The following EXT2 variants were observed in gnomAD, a reference collection of about 807,000 sequenced individuals.
EXT2 encodes exostosin glycosyltransferase 2.
EXT2 carries 53 observed loss-of-function variants against 81.6 expected under a neutral mutation model. That is an observed-to-expected ratio of 0.65 (90% confidence interval 0.52 to 0.82). The LOEUF (loss-of-function observed/expected upper bound fraction) is 0.82, where lower values mean the gene tolerates loss of function less well. Ranked by LOEUF, EXT2 falls within the 40% of genes least tolerant of loss-of-function variation. EXT2 has a pLI of 0.00. For synonymous variants in EXT2, 320 were observed against 340.0 expected, an observed-to-expected ratio of 0.94 and a Z score of 0.65; for missense variants, 774 against 910.2, an observed-to-expected ratio of 0.85 and a Z score of 1.93.
chr11:44,226,115 G>A (rs1203048935), intron 10 of EXT2, among the ~76,000 whole-genome samples: 1 of 152,032 alleles, frequency 6.6e-6, no homozygotes, highest in Non-Finnish European at 1.5e-5. Context: ...CATCTTCATG[G>A]CACCTGGCCT....
rs970194771 is a variant in EXT2 at position 44,103,825 on chromosome 11, T to G, written c.-30-3858T>G. 19 of 254,628 alleles carry G rather than the reference T, an allele frequency of 7.5e-5. No homozygotes were observed. The Admixed American group carries it at 8.4e-4, about 11-fold the overall frequency. The allele number at this position is 254,628 out of a possible 1,614,324, so 15.8% of individuals were successfully genotyped here. On this transcript the variant is annotated intron_variant, in intron 1 of 13. Coordinates refer to ENST00000533608, the MANE Select transcript of EXT2 (RefSeq NM_207122.2). ...GCATAAATTCATTGATACCATCTTATCTTTTAAATATATGCAGCATTTAGA... is the reference window on the plus strand; with the variant it reads ...GCATAAATTCATTGATACCATCTTAGCTTTTAAATATATGCAGCATTTAGA...
At chr11:44,191,890 G>A (rs934946105) in intron 8 of EXT2, among the ~76,000 whole-genome samples, 2 of 152,160 alleles carry the variant, frequency 1.3e-5, no homozygotes, top group African/African-American at 4.8e-5. Flanking sequence ...AATTGACACA[G>A]AAGCTTAGTT....
chr11:44,230,385 C>T (rs890118069), intron 10 of EXT2, among the ~76,000 whole-genome samples: 1 of 152,026 alleles, frequency 6.6e-6, no homozygotes, highest in Non-Finnish European at 1.5e-5. Context: ...GTTTTGAGGG[C>T]GGGACCTTTC....
At chr11:44,238,658 T>A (rs138058016) in intron 13 of EXT2, among the ~76,000 whole-genome samples, 1 of 152,270 alleles carries the variant, frequency 6.6e-6, no homozygotes, top group Non-Finnish European at 1.5e-5. Context: ...GAGAAGTAAC[T>A]TTTTGCTAGG....
At chr11:44,112,336 T>A (rs1256124809) in intron 3 of EXT2, among the ~76,000 whole-genome samples, 4 of 152,248 alleles carry the variant, frequency 2.6e-5, no homozygotes, top group Non-Finnish European at 5.9e-5. Flanking sequence ...CCAGTGATTA[T>A]AATACTTGGC....
chr11:44,171,943 CA>C, intron 8 of EXT2: 2 of 704,764 alleles, frequency 2.8e-6, no homozygotes, highest in Non-Finnish European at 4.8e-6. Context: ...CAGCAGCTTC[CA>C]GTGTGTTTTA....
At chr11:44,233,759 A>C (rs1262819890) in intron 11 of EXT2, among the ~76,000 whole-genome samples, 1 of 152,158 alleles carries the variant, frequency 6.6e-6, no homozygotes, top group African/African-American at 2.4e-5. Flanking sequence ...AAACAAAAAA[A>C]CCCAAAAACT....
rs1476166826 is a variant in EXT2 at position 44,249,757 on chromosome 11, A to C, written c.*5470A>C. Among the ~76,000 whole-genome samples, 1 of 152,226 alleles carries C rather than the reference A, an allele frequency of 6.6e-6. No individual in the cohort carries two copies. Among genetic ancestry groups the C allele is most frequent in the Non-Finnish European group, 1.5e-5 (1 of 68,042 alleles). ...TTTATTCAGTCATTCTGTTATGCTA[A>C]CTATTCATTTTCTCATGAAAATGTA... On this transcript the variant is annotated 3_prime_UTR_variant, in exon 14 of 14. Transcript: ENST00000533608.
chr11:44,212,240 G>T (rs964324321), intron 10 of EXT2, among the ~76,000 whole-genome samples: 2 of 151,478 alleles, frequency 1.3e-5, no homozygotes, highest in African/African-American at 4.9e-5. Flanking sequence ...AGCCAAGATC[G>T]CACCATTGCA....
At chr11:44,241,589 A>G (rs1956038095) in intron 13 of EXT2, among the ~76,000 whole-genome samples, 1 of 152,234 alleles carries the variant, frequency 6.6e-6, no homozygotes, top group South Asian at 2.1e-4. Context: ...TGTTAGTCCT[A>G]AAGACTCCTG....
intron 13 of EXT2, among the ~76,000 whole-genome samples, chr11:44,238,329 C>T (rs1034996150): frequency 2.0e-4 from 30 of 152,112 alleles, no homozygotes; most frequent in Admixed American, 9.8e-4. Flanking sequence ...ACTACAGGTG[C>T]GTGCCACCAC....
At chr11:44,121,145 G>A (rs1954310645) in intron 4 of EXT2, among the ~76,000 whole-genome samples, 2 of 152,220 alleles carry the variant, frequency 1.3e-5, no homozygotes, top group African/African-American at 2.4e-5. Context: ...CCCTAGTGGG[G>A]TGGGAGCTTC....
At chr11:44,106,923 A>G (rs765196796) in intron 1 of EXT2, among the ~76,000 whole-genome samples, 2 of 152,290 alleles carry the variant, frequency 1.3e-5, no homozygotes, top group Non-Finnish European at 2.9e-5. Context: ...GCCACCGCAC[A>G]TGGCTGAAAA....
At chr11:44,101,917 A>C (rs1953988360) in intron 1 of EXT2, among the ~76,000 whole-genome samples, 1 of 148,534 alleles carries the variant, frequency 6.7e-6, no homozygotes, top group African/African-American at 2.5e-5. Context: ...GCAGCTAACC[A>C]TGGTGCTGCT....
intron 2 of EXT2, 24 bp downstream of exon 2, chr11:44,108,272 G>C (rs1376620626): frequency 6.2e-7 from 1 of 1,606,516 alleles, no homozygotes; most frequent in African/African-American, 1.3e-5. Flanking sequence ...ATACAGCCCA[G>C]CCCCCAGGAG....
At chr11:44,197,361 G>T (rs568699294) in intron 8 of EXT2, among the ~76,000 whole-genome samples, 1 of 151,960 alleles carries the variant, frequency 6.6e-6, no homozygotes, top group Non-Finnish European at 1.5e-5. Context: ...GCTTGCCATC[G>T]CTGCCTCCCC....
At chr11:44,144,800 G>C (rs1279260454) in intron 7 of EXT2, among the ~76,000 whole-genome samples, 1 of 152,126 alleles carries the variant, frequency 6.6e-6, no homozygotes, top group African/African-American at 2.4e-5. Context: ...TATTCATGAA[G>C]TCCTCTCTTA....
At chr11:44,119,065 C>G (rs1954263758) in intron 4 of EXT2, among the ~76,000 whole-genome samples, 1 of 143,154 alleles carries the variant, frequency 7.0e-6, no homozygotes, top group Non-Finnish European at 1.5e-5. Flanking sequence ...TTGGGCTAGA[C>G]TGCTGTCTCT....
At chr11:44,130,231 G>A in intron 7 of EXT2, 93 bp downstream of exon 7, 1 of 954,082 alleles carries the variant, frequency 1.0e-6, no homozygotes, top group Admixed American at 1.8e-5. Context: ...TGCCTGAGTG[G>A]GGTTTACTTC....
Sources: allele counts gnomAD v4.1 joint callset (sites outside exome capture counted in the v4.1 genomes callset), GRCh38; gene constraint gnomAD v4.1.1; transcripts MANE v1.5; gene names NCBI Gene and HGNC (gene_info 2026-07-23, HGNC 2026-07-21).